Variants in RBM14 observed in about 807,000 individuals in gnomAD.
RBM14 encodes the protein RNA-binding protein 14.
RBM14 carries 5 observed loss-of-function variants against 52.8 expected under a neutral mutation model. That is an observed-to-expected ratio of 0.09 (90% confidence interval 0.05 to 0.20). The LOEUF (loss-of-function observed/expected upper bound fraction) is 0.20, where lower values mean the gene tolerates loss of function less well. RBM14 is among the 10% of genes least tolerant of loss of function. The pLI is 1.00. For synonymous variants in RBM14, 411 were observed against 401.8 expected, an observed-to-expected ratio of 1.02 and a Z score of -0.28; for missense variants, 780 against 926.6, an observed-to-expected ratio of 0.84 and a Z score of 2.05.
chr11:66,618,471 C>T (rs2135002659), intron 1 of RBM14: 1 of 717,400 alleles, frequency 1.4e-6, no homozygotes. Flanking sequence ...TGCATTAATA[C>T]TGCATTCTAT....
intron 1 of RBM14, chr11:66,618,390 C>G: frequency 1.5e-6 from 1 of 659,648 alleles, no homozygotes; most frequent in Non-Finnish European, 2.8e-6. Flanking sequence ...TGTTTGGGGC[C>G]ATTCCTAGTC....
chr11:66,619,437 C>A (rs975932981), intron 1 of RBM14: 1 of 152,080 alleles, frequency 6.6e-6, no homozygotes, highest in Non-Finnish European at 1.5e-5. Context: ...GAACAGCTTC[C>A]GGAAACATGT....
chr11:66,617,516 C>G, intron 1 of RBM14: 1 of 995,896 alleles, frequency 1.0e-6, no homozygotes, highest in Non-Finnish European at 1.2e-6. Context: ...AGGCCGCCCT[C>G]CTGTTCCCTC....
In RBM14 at chr11:66,624,435, T is replaced by C. The variant is rs374383868; in HGVS notation, c.559T>C (p.Tyr187His). The C allele has an allele frequency of 3.8e-5, 62 of 1,614,002 alleles. No individual in the cohort carries two copies. Among genetic ancestry groups the C allele is most frequent in the Non-Finnish European group, 4.8e-5 (57 of 1,179,986 alleles). The change falls in exon 2 of 3, where the codon TAC becomes CAC. Residue 187 changes from tyrosine to histidine, a missense_variant. Tyr to His is a moderately conservative substitution (Grantham distance 83). This residue lies in a region of RBM14 where 675 missense variants were observed against 697.3 expected (regional missense o/e 0.97). Transcript: ENST00000310137. The surrounding 1 kb of genome is among the most constrained non-coding windows in gnomAD (Gnocchi z 4.7). ...TGGTGGCTTCTCTGCCACCTTCGAC[T>C]ACCAGCAGGCTTTTGGCAACAGCAC... ...GTGGFSATFD[Y>H]QQAFGNSTGG...
intron 1 of RBM14, chr11:66,617,413 C>G: frequency 2.7e-6 from 3 of 1,095,760 alleles, no homozygotes; most frequent in Non-Finnish European, 3.3e-6. Context: ...CAAGCCGGAT[C>G]ATGAAGCGGG....
In RBM14 at chr11:66,624,411, G is replaced by A. The variant is rs1441018506; in HGVS notation, c.535G>A (p.Gly179Ser). 6.2e-7 allele frequency: 1 copy of A among 1,614,118 alleles called. No homozygotes were observed. Among genetic ancestry groups the A allele is most frequent in the Admixed American group, 1.7e-5 (1 of 60,028 alleles). Reference sequence around the variant, plus strand: ...TGGGGATACGGCCTTCCCTGGAACTGGTGGCTTCTCTGCCACCTTCGACTA... The same window carrying A: ...TGGGGATACGGCCTTCCCTGGAACTAGTGGCTTCTCTGCCACCTTCGACTA... ...GAGDTAFPGT[G>S]GFSATFDYQQ... Residue 179 changes from glycine to serine, a missense_variant, in exon 2 of 3, where the codon GGT becomes AGT. Around this residue, in one of 4 missense-constraint regions of RBM14, gnomAD observed 675 missense variants for 697.3 expected, o/e 0.97. Transcript: ENST00000310137. The surrounding 1 kb of genome is among the most constrained non-coding windows in gnomAD (Gnocchi z 4.7).
Position 66,626,773 on chromosome 11 carries a change from G to GT in RBM14, c.*110dup. 8.6e-7 allele frequency: 1 copy of GT among 1,158,446 alleles called. No individual in the cohort carries two copies. Among genetic ancestry groups the GT allele is most frequent in the South Asian group, 1.6e-5 (1 of 62,962 alleles). 71.8% of individuals were successfully genotyped at this position (1,158,446 alleles called of 1,614,324 possible). ...CTGGCCCATACCTTTCCTGGTTGTG[G>GT]TTTTTCATGCCCTCTACCATGTGGG... On this transcript the variant is annotated 3_prime_UTR_variant, in exon 3 of 3. Transcript: ENST00000310137.
chr11:66,626,780 A>C lies in RBM14; in HGVS notation c.*112A>C. The C allele has an allele frequency of 9.1e-7, 1 of 1,102,508 alleles. No homozygotes were observed. The highest frequency in any genetic ancestry group is 1.3e-6 in the Non-Finnish European group (1 of 789,752). 68.3% of individuals were successfully genotyped at this position (1,102,508 alleles called of 1,614,324 possible). On this transcript the variant is annotated 3_prime_UTR_variant, in exon 3 of 3. Transcript: ENST00000310137. ...ATACCTTTCCTGGTTGTGGTTTTTC[A>C]TGCCCTCTACCATGTGGGCCTTCCC...
chr11:66,619,887 C>G (rs1274119753), intron 1 of RBM14, among the ~76,000 whole-genome samples: 1 of 152,236 alleles, frequency 6.6e-6, no homozygotes, highest in Non-Finnish European at 1.5e-5. Context: ...GATTTTTAGT[C>G]TTAAGATAGG....
In RBM14 at chr11:66,628,986, C is replaced by T. The variant is rs1937935764; in HGVS notation, c.*2318C>T. On this transcript the variant is annotated 3_prime_UTR_variant, in exon 3 of 3. Coordinates refer to ENST00000310137, the MANE Select transcript of RBM14 (RefSeq NM_006328.4). ...TGCTTGTCATCTTTAGGTCCTGCTG[C>T]CCCTGCTGCCTCAGCCCTCAGGCTC... 6.6e-6 allele frequency among the ~76,000 whole-genome samples: 1 copy of T among 152,212 alleles called. No homozygotes were observed.
chr11:66,620,646 G>T (rs1171188917), intron 1 of RBM14, among the ~76,000 whole-genome samples: 1 of 152,106 alleles, frequency 6.6e-6, no homozygotes, highest in Non-Finnish European at 1.5e-5. Flanking sequence ...CATTTGGGTA[G>T]TCATTTGAAT....
chr11:66,620,203 CTT>C (rs1245006114), intron 1 of RBM14, among the ~76,000 whole-genome samples: 1 of 152,196 alleles, frequency 6.6e-6, no homozygotes, highest in African/African-American at 2.4e-5. Flanking sequence ...CCTATTCACA[CTT>C]TTCCCCTCCA....
chr11:66,626,669 G>T lies in RBM14; in HGVS notation c.*1G>T, dbSNP rs1276882937. The T allele has an allele frequency of 6.2e-7, 1 of 1,600,350 alleles. No individual in the cohort carries two copies. Among genetic ancestry groups the T allele is most frequent in the African/African-American group, 1.3e-5 (1 of 74,806 alleles). ...CTCTGGCTACCAGCGCCGCATGTAG[G>T]GCCATCCTGGGATGGGGCACCACAG... On this transcript the variant is annotated 3_prime_UTR_variant, in exon 3 of 3. Transcript: ENST00000310137.
Position 66,625,722 on chromosome 11 carries a change from G to T in RBM14, c.1802+44G>T. On this transcript the variant is annotated intron_variant, in intron 2 of 2. Transcript: ENST00000310137. The surrounding 1 kb of genome is among the most constrained non-coding windows in gnomAD (Gnocchi z 4.2). ...CCTCTGCCCCCAGCTGGGGCTTAGG[G>T]CAAGGGGCTGAGGTTGGCATGGGAG... 6.8e-7 allele frequency: 1 copy of T among 1,464,718 alleles called. No individual in the cohort carries two copies. The highest frequency in any genetic ancestry group is 9.3e-7 in the Non-Finnish European group (1 of 1,077,928). 90.7% of individuals were successfully genotyped at this position (1,464,718 alleles called of 1,614,324 possible).
At chr11:66,617,639 C>T (rs944990084) in intron 1 of RBM14, 2 of 887,264 alleles carry the variant, frequency 2.3e-6, no homozygotes, top group Non-Finnish European at 1.4e-6. Context: ...CACGTGGGTA[C>T]GAGAGGGGCC....
At position 66,616,691 on chromosome 11, in the gene RBM14, G is replaced by GCT. The variant is rs1283245194; in HGVS notation, c.-26_-25dup. ...GCCTGTCGCTGGAGGAGAGGTCCGGGCTCTCCAGGAAGGTGGCTGCGGCGA... is the reference window on the plus strand; with the variant it reads ...GCCTGTCGCTGGAGGAGAGGTCCGGGCTCTCTCCAGGAAGGTGGCTGCGGCGA... On this transcript the variant is annotated 5_prime_UTR_variant, in exon 1 of 3. Transcript: ENST00000310137. 1 of 1,564,390 alleles carries GCT rather than the reference G, an allele frequency of 6.4e-7. No individual in the cohort carries two copies. The highest frequency in any genetic ancestry group is 8.7e-7 in the Non-Finnish European group (1 of 1,149,304).
At position 66,624,947 on chromosome 11, in the gene RBM14, G is replaced by A. The variant is rs1345122550; in HGVS notation, c.1071G>A (p.Gly357=). The A allele has an allele frequency of 1.2e-5, 20 of 1,613,754 alleles. No homozygotes were observed. Among genetic ancestry groups the A allele is most frequent in the Non-Finnish European group, 1.7e-5 (20 of 1,179,960 alleles). Residue 357 remains glycine, a synonymous_variant, in exon 2 of 3, where the codon GGG becomes GGA. Coordinates refer to ENST00000310137, the MANE Select transcript of RBM14 (RefSeq NM_006328.4). This position sits in a 1 kb window ranked among gnomAD's most constrained non-coding sequence, Gnocchi z 4.7. ...SYGAQAASSY[G]VRAAASSYNT... ...GCGCCCAGGCTGCCTCTTCCTATGG[G>A]GTTCGTGCAGCTGCTTCTTCCTACA...
In RBM14 at chr11:66,629,895, G is replaced by A. The variant is rs1324863104; in HGVS notation, c.*3227G>A. ...ATTTTGAGACCAGCTTCGGCAATACGGTGAGACCTTGTCTCTACCAAAAGA... is the reference window on the plus strand; with the variant it reads ...ATTTTGAGACCAGCTTCGGCAATACAGTGAGACCTTGTCTCTACCAAAAGA... On this transcript the variant is annotated 3_prime_UTR_variant, in exon 3 of 3. Coordinates refer to ENST00000310137, the MANE Select transcript of RBM14 (RefSeq NM_006328.4). Among the ~76,000 whole-genome samples the A allele has an allele frequency of 2.1e-5, 3 of 146,084 alleles. No homozygotes were observed. Among genetic ancestry groups the A allele is most frequent in the African/African-American group, 5.0e-5 (2 of 40,254 alleles).
intron 1 of RBM14, chr11:66,617,302 G>A: frequency 7.5e-7 from 1 of 1,329,670 alleles, no homozygotes; most frequent in Non-Finnish European, 9.6e-7. Flanking sequence ...CCAAGCTACG[G>A]GGCCGGGGAC....
Sources: gnomAD v4.1 joint callset for allele counts (sites outside exome capture counted in the v4.1 genomes callset) on GRCh38, gnomAD v4.1.1 for gene constraint, gnomAD v4.1.1 regional missense constraint, Gnocchi (gnomAD v3.1) non-coding constraint, MANE v1.5 for transcripts, NCBI Gene and HGNC (gene_info 2026-07-23, HGNC 2026-07-21) for gene names.